Variants in DTNA observed in about 807,000 individuals in gnomAD.
The protein encoded by DTNA is dystrophin-related protein 3.
Under a neutral mutation model 100.7 loss-of-function variants are expected in DTNA, and 43 were observed. The observed-to-expected ratio is 0.43, with a 90% CI of 0.33 to 0.55. The LOEUF (loss-of-function observed/expected upper bound fraction) is 0.55. DTNA is among the 20% of genes least tolerant of loss of function. DTNA has a pLI of 0.04. For missense variants in DTNA, 798 were observed against 953.9 expected, an observed-to-expected ratio of 0.84 and a Z score of 2.15; for synonymous variants, 349 against 347.9, an observed-to-expected ratio of 1.00 and a Z score of -0.04.
chr18:34,824,471 A>G (rs563741275), intron 9 of DTNA, among the ~76,000 whole-genome samples: 67 of 150,906 alleles, frequency 4.4e-4, no homozygotes, highest in African/African-American at 1.5e-3. Context: ...GCAAGACGCC[A>G]TCTCAAAAAA....
At chr18:34,680,004 A>G (rs2077873332) in intron 1 of DTNA, among the ~76,000 whole-genome samples, 1 of 152,224 alleles carries the variant, frequency 6.6e-6, no homozygotes, top group Non-Finnish European at 1.5e-5. Flanking sequence ...TTTTGATGGC[A>G]TAAACTGAAG....
At chr18:34,846,704 C>T (rs947948499) in intron 13 of DTNA, among the ~76,000 whole-genome samples, 9 of 151,926 alleles carry the variant, frequency 5.9e-5, no homozygotes, top group African/African-American at 1.9e-4. Context: ...ATTCAGCTAA[C>T]CAGACAAGAG....
intron 14 of DTNA, among the ~76,000 whole-genome samples, chr18:34,850,892 G>A (rs1231573551): frequency 6.6e-6 from 1 of 152,116 alleles, no homozygotes; most frequent in South Asian, 2.1e-4. Flanking sequence ...AGCTGTGACT[G>A]CATGTATACC....
At chr18:34,635,732 C>T (rs1376168588) in intron 1 of DTNA, among the ~76,000 whole-genome samples, 1 of 152,122 alleles carries the variant, frequency 6.6e-6, no homozygotes, top group Non-Finnish European at 1.5e-5. Context: ...CCATTGATCT[C>T]ACCAATCTTT....
chr18:34,686,783 G>A (rs946603398), intron 1 of DTNA, among the ~76,000 whole-genome samples: 1 of 150,594 alleles, frequency 6.6e-6, no homozygotes, highest in Non-Finnish European at 1.5e-5. Context: ...TTCTGTTGGT[G>A]GTGGTGGTGG....
chr18:34,497,678 A>T (rs1474994084), intron 1 of DTNA, among the ~76,000 whole-genome samples: 1 of 151,326 alleles, frequency 6.6e-6, no homozygotes, highest in African/African-American at 2.5e-5. Flanking sequence ...TGATATTTCC[A>T]TTGTTTAAAA....
intron 21 of DTNA, 33 bp downstream of exon 21, chr18:34,882,234 C>T (rs367785714): frequency 9.3e-6 from 15 of 1,612,006 alleles, no homozygotes; most frequent in Non-Finnish European, 1.2e-5. Flanking sequence ...CACCCCACCT[C>T]TTCTGCCTCA....
intron 3 of DTNA, among the ~76,000 whole-genome samples, chr18:34,793,312 C>T (rs773816547): frequency 1.3e-5 from 2 of 152,116 alleles, no homozygotes; most frequent in African/African-American, 2.4e-5. Flanking sequence ...GGGAAGAAAA[C>T]AGAAACAGCT....
At chr18:34,765,883 A>G in intron 2 of DTNA, 78 bp from the exon 3 acceptor site, 1 of 1,372,756 alleles carries the variant, frequency 7.3e-7, no homozygotes, top group Non-Finnish European at 1.0e-6. Flanking sequence ...TCATATCTAC[A>G]GTTGTTTTAT....
chr18:34,599,489 G>A (rs562419178), intron 1 of DTNA, among the ~76,000 whole-genome samples: 51 of 152,062 alleles, frequency 3.4e-4, no homozygotes, highest in South Asian at 1.5e-3. Flanking sequence ...CCCCTTCACC[G>A]GACACTGGTA....
At chr18:34,589,195 T>C (rs1034813802) in intron 1 of DTNA, among the ~76,000 whole-genome samples, 9 of 152,090 alleles carry the variant, frequency 5.9e-5, no homozygotes, top group Admixed American at 5.9e-4. Context: ...TCTTTGTTTT[T>C]AAAATGTATG....
At chr18:34,887,389 T>C (rs566203130) in intron 22 of DTNA, among the ~76,000 whole-genome samples, 4 of 152,286 alleles carry the variant, frequency 2.6e-5, no homozygotes, top group East Asian at 1.9e-4. Context: ...AATTAGAGGA[T>C]TGGACCATCC....
At chr18:34,702,461 A>G (rs2081509489) in intron 1 of DTNA, among the ~76,000 whole-genome samples, 1 of 152,232 alleles carries the variant, frequency 6.6e-6, no homozygotes, top group African/African-American at 2.4e-5. Context: ...GACAACTGCT[A>G]GATTGGCCTT....
intron 5 of DTNA, among the ~76,000 whole-genome samples, chr18:34,808,297 A>G (rs2149279893): frequency 6.6e-6 from 1 of 152,242 alleles, no homozygotes; most frequent in African/African-American, 2.4e-5. Context: ...TCCTCCTCCA[A>G]GAGTAAGGGT....
chr18:34,508,280 C>G (rs1038471958), intron 1 of DTNA, among the ~76,000 whole-genome samples: 6 of 152,080 alleles, frequency 3.9e-5, no homozygotes, highest in African/African-American at 7.2e-5. Flanking sequence ...GAAGAAGATG[C>G]TTTTTAGGAG....
chr18:34,570,869 G>A (rs2047521835), intron 1 of DTNA, among the ~76,000 whole-genome samples: 1 of 152,146 alleles, frequency 6.6e-6, no homozygotes, highest in African/African-American at 2.4e-5. Context: ...AGCTTTGAGT[G>A]GGCTCCAGGG....
At chr18:34,616,246 C>T (rs1324054904) in intron 1 of DTNA, among the ~76,000 whole-genome samples, 2 of 152,168 alleles carry the variant, frequency 1.3e-5, no homozygotes, top group Non-Finnish European at 2.9e-5. Flanking sequence ...CTAGCTAAAA[C>T]TATTAAAAAC....
At chr18:34,618,909 C>T (rs2055885694) in intron 1 of DTNA, among the ~76,000 whole-genome samples, 1 of 151,992 alleles carries the variant, frequency 6.6e-6, no homozygotes, top group Admixed American at 6.6e-5. Context: ...GGGAAAGACA[C>T]ATACAAGTAA....
chr18:34,605,572 T>C (rs1416572881), intron 1 of DTNA, among the ~76,000 whole-genome samples: 5 of 151,944 alleles, frequency 3.3e-5, no homozygotes, highest in East Asian at 1.9e-4. Flanking sequence ...TAGTTAGATA[T>C]GCATTTTCTA....
Sources: gnomAD v4.1 joint callset for allele counts (sites outside exome capture counted in the v4.1 genomes callset) on GRCh38, gnomAD v4.1.1 for gene constraint, MANE v1.5 for transcripts, NCBI Gene and HGNC (gene_info 2026-07-23, HGNC 2026-07-21) for gene names.